COLGALT2: variants seen among roughly 807,000 people sequenced by gnomAD.
The protein encoded by COLGALT2 is procollagen galactosyltransferase 2.
A neutral mutation model predicts 73.4 loss-of-function variants in COLGALT2; 49 were observed. The observed-to-expected ratio is 0.67, with a 90% CI of 0.53 to 0.85. COLGALT2 has a LOEUF of 0.85. Among genes scored for constraint, COLGALT2 ranks in the 40% least tolerant of loss-of-function variants. COLGALT2 has a pLI of 0.00. For synonymous variants in COLGALT2, 295 were observed against 307.6 expected, an observed-to-expected ratio of 0.96 and a Z score of 0.43; for missense variants, 722 against 790.2, an observed-to-expected ratio of 0.91 and a Z score of 1.03.
chr1:184,021,154 T>A (rs928365164), intron 1 of COLGALT2, among the ~76,000 whole-genome samples: 5 of 152,164 alleles, frequency 3.3e-5, no homozygotes, highest in African/African-American at 1.2e-4. Context: ...CTGTTACAGT[T>A]CACTGTTTTT....
At chr1:184,033,838 G>A (rs574389709) in intron 1 of COLGALT2, among the ~76,000 whole-genome samples, 3 of 152,232 alleles carry the variant, frequency 2.0e-5, no homozygotes, top group Non-Finnish European at 4.4e-5. Flanking sequence ...AGAAGAGTGA[G>A]TCTGCACAGA....
chr1:183,993,758 A>T (rs182548922), intron 1 of COLGALT2, among the ~76,000 whole-genome samples: 2 of 152,176 alleles, frequency 1.3e-5, no homozygotes, highest in Non-Finnish European at 2.9e-5. Context: ...TAATTTTTCA[A>T]TTGCCTCTGT....
chr1:184,022,363 A>G (rs1305623859), intron 1 of COLGALT2, among the ~76,000 whole-genome samples: 2 of 152,200 alleles, frequency 1.3e-5, no homozygotes, highest in Admixed American at 6.5e-5. Context: ...TGGAAACTTG[A>G]TCCCCAATGT....
At chr1:184,002,251 A>G (rs1671950398) in intron 1 of COLGALT2, among the ~76,000 whole-genome samples, 1 of 152,146 alleles carries the variant, frequency 6.6e-6, no homozygotes, top group African/African-American at 2.4e-5. Flanking sequence ...CTTGGCCTGG[A>G]GAGGACTACT....
chr1:183,956,651 G>A (rs1009099793), intron 6 of COLGALT2, among the ~76,000 whole-genome samples: 1 of 152,116 alleles, frequency 6.6e-6, no homozygotes, highest in Non-Finnish European at 1.5e-5. Context: ...TGGCCTGTGT[G>A]GCTTTAACAT....
At chr1:183,931,995 ATGT>A (rs1669858411), downstream of COLGALT2, among the ~76,000 whole-genome samples, 1 of 152,102 alleles carries the variant, frequency 6.6e-6, no homozygotes, top group African/African-American at 2.4e-5. Flanking sequence ...CTGCAGAAAT[ATGT>A]TATCTGAGAG....
chr1:184,037,035 C>CGCGCTG, intron 1 of COLGALT2, 60 bp downstream of exon 1: 1 of 1,296,114 alleles, frequency 7.7e-7, no homozygotes, highest in Non-Finnish European at 9.8e-7. Flanking sequence ...GGGCGCTGTC[C>CGCGCTG]GCGCTGGGCA....
intron 1 of COLGALT2, among the ~76,000 whole-genome samples, chr1:183,980,859 T>G (rs553125854): frequency 3.3e-5 from 5 of 152,138 alleles, no homozygotes; most frequent in Non-Finnish European, 7.4e-5. Flanking sequence ...TAAGAAAATA[T>G]AGCATGGTCT....
intron 8 of COLGALT2, among the ~76,000 whole-genome samples, chr1:183,947,977 A>G (rs1172609180): frequency 5.9e-5 from 9 of 152,148 alleles, no homozygotes; most frequent in Non-Finnish European, 1.2e-4. Context: ...TATGGCAACA[A>G]ATTAGATAAC....
Position 183,936,688 on chromosome 1 carries a change from T to A in COLGALT2, c.*2073A>T. 6.5e-6 allele frequency: 8 copies of A among 1,229,170 alleles called. No individual in the cohort carries two copies. The highest frequency in any genetic ancestry group is 8.1e-6 in the Non-Finnish European group (8 of 986,974). The allele number at this position is 1,229,170 out of a possible 1,614,324, so 76.1% of individuals were successfully genotyped here. A position where few individuals can be genotyped will look rare whatever the true frequency, so the allele number is the denominator to read the frequency against. On this transcript the variant is annotated 3_prime_UTR_variant, in exon 12 of 12. Coordinates refer to ENST00000361927, the MANE Select transcript of COLGALT2 (RefSeq NM_015101.4). ...CAAAAACCAGATACCCAAGGAAATC[T>A]TAGGAATCACCTAAGGAATTTTCAC...
At chr1:183,971,340 T>A (rs1671031421) in intron 4 of COLGALT2, among the ~76,000 whole-genome samples, 2 of 152,192 alleles carry the variant, frequency 1.3e-5, no homozygotes, top group Non-Finnish European at 2.9e-5. Context: ...AAAATAATAC[T>A]TGTCCCTAAG....
chr1:183,945,709 TC>T, intron 8 of COLGALT2, 145 bp from the exon 9 acceptor site: 3 of 901,436 alleles, frequency 3.3e-6, no homozygotes, highest in Non-Finnish European at 5.0e-6. Context: ...TAGAAGTTCC[TC>T]CAGGCTAATG....
chr1:183,940,577 T>C lies in COLGALT2; in HGVS notation c.1604+4A>G. On this transcript the variant is annotated splice_donor_region_variant and intron_variant, in intron 11 of 11. Coordinates refer to ENST00000361927, the MANE Select transcript of COLGALT2 (RefSeq NM_015101.4). Reference sequence around the variant, plus strand: ...GGGAAGGCAGGCAGTTCAGGGAGACTCACACGGGATGCTTGTTGTACATGA... The same window carrying C: ...GGGAAGGCAGGCAGTTCAGGGAGACCCACACGGGATGCTTGTTGTACATGA... 6.2e-7 allele frequency: 1 copy of C among 1,614,042 alleles called. No homozygotes were observed. Among genetic ancestry groups the C allele is most frequent in the Non-Finnish European group, 8.5e-7 (1 of 1,179,926 alleles).
chr1:183,944,913 T>C (rs189328267), intron 9 of COLGALT2, among the ~76,000 whole-genome samples: 21 of 152,314 alleles, frequency 1.4e-4, no homozygotes, highest in African/African-American at 5.1e-4. Context: ...GGGACTTTCT[T>C]TTTGGTTGTG....
At chr1:183,947,670 C>T (rs1312720071) in intron 8 of COLGALT2, among the ~76,000 whole-genome samples, 1 of 152,040 alleles carries the variant, frequency 6.6e-6, no homozygotes, top group East Asian at 1.9e-4. Flanking sequence ...ATAATCCTCC[C>T]ATCCATCTTA....
chr1:184,000,824 C>T (rs1177902005), intron 1 of COLGALT2, among the ~76,000 whole-genome samples: 3 of 144,062 alleles, frequency 2.1e-5, no homozygotes, highest in Non-Finnish European at 4.5e-5. Context: ...TTCAGCCCCC[C>T]ATTTTTTTTT....
intron 1 of COLGALT2, among the ~76,000 whole-genome samples, chr1:184,028,172 GA>G (rs1649387296): frequency 6.6e-6 from 1 of 152,152 alleles, no homozygotes; most frequent in Non-Finnish European, 1.5e-5. Context: ...TCCAGCAAGG[GA>G]CTCCGTGTCG....
In COLGALT2 at chr1:183,939,054, G is replaced by A. The variant is rs1670040242; in HGVS notation, c.1605-17C>T. 6.3e-7 allele frequency: 1 copy of A among 1,598,840 alleles called. No homozygotes were observed. Among genetic ancestry groups the A allele is most frequent in the Non-Finnish European group, 8.6e-7 (1 of 1,167,416 alleles). Reference sequence around the variant, plus strand: ...TACTCGGCTCTGAAAACAAGAAGGTGGCCGGACACATGAGGGGGCGGAAAG... The same window carrying A: ...TACTCGGCTCTGAAAACAAGAAGGTAGCCGGACACATGAGGGGGCGGAAAG... On this transcript the variant is annotated splice_polypyrimidine_tract_variant and intron_variant, in intron 11 of 11. Coordinates refer to ENST00000361927, the MANE Select transcript of COLGALT2 (RefSeq NM_015101.4).
chr1:183,934,998 T>C (rs926741640), downstream of COLGALT2, among the ~76,000 whole-genome samples: 8 of 152,206 alleles, frequency 5.3e-5, no homozygotes, highest in African/African-American at 1.9e-4. Context: ...CTCAGTCTTG[T>C]TTGTTATCAA....
Sources: allele counts gnomAD v4.1 joint callset (sites outside exome capture counted in the v4.1 genomes callset), GRCh38; gene constraint gnomAD v4.1.1; transcripts MANE v1.5; gene names NCBI Gene and HGNC (gene_info 2026-07-23, HGNC 2026-07-21).